Variants in LIPI observed in about 807,000 individuals in gnomAD.
LIPI encodes the protein lipase member I.
In LIPI, 59 loss-of-function variants were observed where a neutral mutation model predicts 50.6. That is an observed-to-expected ratio of 1.16 (90% confidence interval 0.94 to 1.45). LIPI has a LOEUF of 1.45. Among genes scored for constraint, LIPI ranks in the 40% most tolerant of loss-of-function variants. The pLI is 0.00. For missense variants in LIPI, 586 were observed against 536.3 expected (o/e 1.09, Z -0.92); for synonymous variants, 203 against 178.2 (o/e 1.14, Z -1.11).
At chr21:14,161,615 C>CTTATATTATATATTAATGTATA (rs2018473882) in intron 7 of LIPI, among the ~76,000 whole-genome samples, 6 of 109,874 alleles carry the variant, frequency 5.5e-5, no homozygotes, top group East Asian at 2.4e-4. Flanking sequence ...ATATAATATA[C>CTTATATTATATATTAATGTATA]ATATATAATA....
chr21:14,118,130 GC>G (rs993278807), intron 9 of LIPI, among the ~76,000 whole-genome samples: 1 of 152,002 alleles, frequency 6.6e-6, no homozygotes, highest in Non-Finnish European at 1.5e-5. Context: ...ACTGGACAGA[GC>G]CCCCTTCCGT....
At chr21:14,161,393 CTA>C (rs1241951448) in intron 7 of LIPI, among the ~76,000 whole-genome samples, 6 of 138,318 alleles carry the variant, frequency 4.3e-5, no homozygotes, top group African/African-American at 1.3e-4. Flanking sequence ...CATATAATAT[CTA>C]TGTTATATAT....
chr21:14,205,321 G>A (rs1245260867), intron 1 of LIPI, among the ~76,000 whole-genome samples: 4 of 151,754 alleles, frequency 2.6e-5, no homozygotes, highest in Admixed American at 2.0e-4. Context: ...TTTCTAAGAT[G>A]GGGACTATGC....
At chr21:14,140,354 A>G (rs761540002) in intron 9 of LIPI, among the ~76,000 whole-genome samples, 2 of 152,170 alleles carry the variant, frequency 1.3e-5, no homozygotes, top group Non-Finnish European at 2.9e-5. Flanking sequence ...ATTTCTTTCC[A>G]TGTTTCAACT....
At position 14,210,831 on chromosome 21, in the gene LIPI, A is replaced by T; in HGVS notation, c.15T>A (p.Ile5=). 1 of 1,234,102 alleles carries T rather than the reference A, an allele frequency of 8.1e-7. No individual in the cohort carries two copies. The highest frequency in any genetic ancestry group is 1.0e-6 in the Non-Finnish European group (1 of 958,068). The allele number at this position is 1,234,102 out of a possible 1,614,324, so 76.4% of individuals were successfully genotyped here. A position where few individuals can be genotyped will look rare whatever the true frequency, so the allele number is the denominator to read the frequency against. Residue 5 remains isoleucine, a synonymous_variant, in exon 1 of 10, where the codon ATT becomes ATA. Transcript: ENST00000681601. ...TCACCCAGCACATCAAACAAAGAAA[A>T]ATGTATACTCTCATTTGGAATCTGA... MRVY[I]FLCLMCWVRS...
rs189200913 is a variant in LIPI, at chr21:14,208,866, A to G, written c.46+1934T>C. On this transcript the variant is annotated intron_variant, in intron 1 of 9. Coordinates refer to ENST00000681601, the MANE Select transcript of LIPI (RefSeq NM_001302998.2). Reference sequence around the variant, plus strand: ...CAAGAGTTGGAGACCAGCCTGGGTAACATAGTGAAACGCTGTCTCTCCAAA... The same window carrying G: ...CAAGAGTTGGAGACCAGCCTGGGTAGCATAGTGAAACGCTGTCTCTCCAAA... Among the ~76,000 whole-genome samples, 3 of 152,302 alleles carry G rather than the reference A, an allele frequency of 2.0e-5. No homozygotes were observed. The East Asian group carries it at 5.8e-4, about 29-fold the overall frequency.
At chr21:14,161,352 T>C (rs977239692) in intron 7 of LIPI, among the ~76,000 whole-genome samples, 2 of 144,912 alleles carry the variant, frequency 1.4e-5, no homozygotes, top group Non-Finnish European at 3.0e-5. Context: ...ATATAATATA[T>C]AGTAATATAG....
At chr21:14,110,268 A>G (rs112051692) in intron 9 of LIPI, among the ~76,000 whole-genome samples, 2,232 of 151,928 alleles carry the variant, frequency 0.015, 47 homozygotes, top group South Asian at 0.031. Context: ...TGCTCAACCT[A>G]TCACCACATC....
chr21:14,161,408 A>T (rs1600877714), intron 7 of LIPI, among the ~76,000 whole-genome samples: 1 of 142,130 alleles, frequency 7.0e-6, no homozygotes, highest in South Asian at 2.1e-4. Flanking sequence ...TTATATATGT[A>T]TATTATATAT....
At chr21:14,116,132 A>G (rs1175451576) in intron 9 of LIPI, among the ~76,000 whole-genome samples, 1 of 151,932 alleles carries the variant, frequency 6.6e-6, no homozygotes, top group Non-Finnish European at 1.5e-5. Flanking sequence ...GAGCCTAACT[A>G]GGCTCATCTG....
intron 4 of LIPI, among the ~76,000 whole-genome samples, chr21:14,179,964 C>A (rs424238): frequency 6.6e-6 from 1 of 151,964 alleles, no homozygotes; most frequent in Non-Finnish European, 1.5e-5. Flanking sequence ...AGCGTATAAA[C>A]GGACGTGCAA....
chr21:14,174,390 AATT>A (rs78340527), intron 4 of LIPI, among the ~76,000 whole-genome samples: 5,160 of 152,146 alleles, frequency 0.034, 207 homozygotes, highest in East Asian at 0.23. Context: ...TAGGCTAATT[AATT>A]ATTATAAAGC....
intron 3 of LIPI, among the ~76,000 whole-genome samples, chr21:14,182,801 AAGG>A (rs1312849790): frequency 1.3e-5 from 2 of 152,076 alleles, no homozygotes; most frequent in African/African-American, 4.8e-5. Flanking sequence ...GGACCTCTTC[AAGG>A]AGAACTACAA....
rs555411516 is a variant in LIPI at position 14,166,453 on chromosome 21, T to C, written c.644-2A>G. On this transcript the variant is annotated splice_acceptor_variant, in intron 4 of 9. Transcript: ENST00000681601. LOFTEE classifies it high-confidence loss of function. ...CCAAGGGCTCTTGAATGCCTAAACC[T>C]GAGAAGAAAGGCACCCAAGAATCAC... The C allele has an allele frequency of 2.3e-5, 36 of 1,572,694 alleles. No homozygotes were observed. The highest frequency in any genetic ancestry group is 8.3e-5 in the Admixed American group (5 of 59,982).
At chr21:14,203,645 G>A (rs2020137776) in intron 1 of LIPI, among the ~76,000 whole-genome samples, 1 of 152,072 alleles carries the variant, frequency 6.6e-6, no homozygotes, top group Admixed American at 6.6e-5. Flanking sequence ...GAGAACACAT[G>A]GACACAGGAA....
At chr21:14,136,086 C>T (rs542990484) in intron 9 of LIPI, among the ~76,000 whole-genome samples, 5 of 152,282 alleles carry the variant, frequency 3.3e-5, no homozygotes, top group African/African-American at 1.2e-4. Flanking sequence ...AACCCCACTG[C>T]CTTTGAGGAA....
chr21:14,131,510 A>G (rs1255086960), intron 9 of LIPI, among the ~76,000 whole-genome samples: 1 of 152,222 alleles, frequency 6.6e-6, no homozygotes, highest in African/African-American at 2.4e-5. Context: ...ACCCAAAATC[A>G]AAACCAATAT....
intron 4 of LIPI, among the ~76,000 whole-genome samples, chr21:14,172,436 A>G (rs986359671): frequency 6.6e-6 from 1 of 152,122 alleles, no homozygotes; most frequent in Non-Finnish European, 1.5e-5. Context: ...TTGCAGCACT[A>G]TTCACAATAG....
intron 1 of LIPI, among the ~76,000 whole-genome samples, chr21:14,207,651 C>T (rs2020261167): frequency 6.6e-6 from 1 of 152,080 alleles, no homozygotes; most frequent in South Asian, 2.1e-4. Context: ...TGGGGCCAAC[C>T]CCAGAGATTC....
Sources: allele counts gnomAD v4.1 joint callset (sites outside exome capture counted in the v4.1 genomes callset), GRCh38; gene constraint gnomAD v4.1.1; transcripts MANE v1.5; gene names NCBI Gene and HGNC (gene_info 2026-07-23, HGNC 2026-07-21).